LCLAT1: variants seen among roughly 807,000 people sequenced by gnomAD.
LCLAT1 encodes the protein 1-AGP acyltransferase 8.
In LCLAT1, 11 loss-of-function variants were observed where a neutral mutation model predicts 30.7. The observed-to-expected ratio is 0.36, with a 90% CI of 0.23 to 0.59. The LOEUF (loss-of-function observed/expected upper bound fraction) is 0.59. Ranked by LOEUF, LCLAT1 falls within the 20% of genes least tolerant of loss-of-function variation. The pLI, the probability that LCLAT1 is intolerant of heterozygous loss-of-function variation, is 0.77. For missense variants in LCLAT1, 402 were observed against 458.6 expected (o/e 0.88, Z 1.13); for synonymous variants, 155 against 151.3 (o/e 1.02, Z -0.18).
chr2:30,460,795 G>A (rs1682081918), intron 1 of LCLAT1, among the ~76,000 whole-genome samples: 3 of 152,188 alleles, frequency 2.0e-5, no homozygotes, highest in Admixed American at 2.0e-4. Flanking sequence ...GGAGGGGGCA[G>A]TGACTAGATA....
At chr2:30,597,691 G>A (rs1160663239) in intron 5 of LCLAT1, among the ~76,000 whole-genome samples, 2 of 152,164 alleles carry the variant, frequency 1.3e-5, no homozygotes, top group African/African-American at 2.4e-5. Flanking sequence ...CTGAATAGGA[G>A]TGGTGAGAGA....
intron 5 of LCLAT1, among the ~76,000 whole-genome samples, chr2:30,587,986 C>A (rs1362126816): frequency 6.6e-6 from 1 of 152,218 alleles, no homozygotes; most frequent in Non-Finnish European, 1.5e-5. Context: ...GCCTAGCTGC[C>A]AAACTTCAGC....
At chr2:30,482,733 C>T (rs956067645) in intron 1 of LCLAT1, among the ~76,000 whole-genome samples, 5 of 150,360 alleles carry the variant, frequency 3.3e-5, no homozygotes, top group African/African-American at 4.9e-5. Flanking sequence ...GCTAGTAGTT[C>T]GATTAAGAGC....
intron 3 of LCLAT1, among the ~76,000 whole-genome samples, chr2:30,555,839 C>CA (rs1664890792): frequency 7.9e-6 from 1 of 127,110 alleles, no homozygotes; most frequent in East Asian, 2.2e-4. Context: ...TTTTCTTTTT[C>CA]TTTTTTTTTT....
In LCLAT1 at chr2:30,575,456, T is replaced by C. The variant is rs148043436; in HGVS notation, c.628+7280T>C. On this transcript the variant is annotated intron_variant, in intron 5 of 5. Coordinates refer to ENST00000379509, the MANE Select transcript of LCLAT1 (RefSeq NM_001002257.3). The stretch of plus-strand genomic sequence containing the variant: ...GCATACACACATATGCACATCTGAT[T>C]AGCAATTCTTCCCACCCCCTTCAGT... 1.6e-3 allele frequency among the ~76,000 whole-genome samples: 247 copies of C among 152,290 alleles called. 4 individuals are homozygous for C. In the Middle Eastern group the frequency reaches 0.017, roughly 10 times the overall value.
intron 1 of LCLAT1, among the ~76,000 whole-genome samples, chr2:30,485,042 C>T (rs1237937329): frequency 6.6e-6 from 1 of 152,108 alleles, no homozygotes; most frequent in African/African-American, 2.4e-5. Context: ...CATTAACAGA[C>T]TGCTATATGG....
chr2:30,554,390 A>T (rs1664822727), intron 3 of LCLAT1, among the ~76,000 whole-genome samples: 1 of 152,228 alleles, frequency 6.6e-6, no homozygotes, highest in South Asian at 2.1e-4. Flanking sequence ...GGAGAATATA[A>T]ACTATGTGTA....
chr2:30,565,499 G>T (rs77741784), intron 4 of LCLAT1, among the ~76,000 whole-genome samples: 14,046 of 152,070 alleles, frequency 0.092, 1,270 homozygotes, highest in African/African-American at 0.23. Context: ...GAGTATCGTG[G>T]CCTATTAAAG....
intron 3 of LCLAT1, among the ~76,000 whole-genome samples, chr2:30,553,184 C>G (rs1173580827): frequency 6.6e-6 from 1 of 152,070 alleles, no homozygotes; most frequent in African/African-American, 2.4e-5. Context: ...AAAAGGCTTA[C>G]TTTTTATTAA....
chr2:30,498,197 G>A (rs1027333739), intron 1 of LCLAT1, among the ~76,000 whole-genome samples: 4 of 152,162 alleles, frequency 2.6e-5, no homozygotes, highest in Non-Finnish European at 4.4e-5. Context: ...GGCTGAGTCC[G>A]GGGATTTTAT....
intron 1 of LCLAT1, among the ~76,000 whole-genome samples, chr2:30,523,511 T>C (rs1160454008): frequency 2.0e-5 from 3 of 152,232 alleles, no homozygotes; most frequent in Admixed American, 6.5e-5. Flanking sequence ...CAGCTCTTAG[T>C]TGATATTTAT....
At chr2:30,548,356 G>A (rs906575045) in intron 3 of LCLAT1, among the ~76,000 whole-genome samples, 1 of 152,122 alleles carries the variant, frequency 6.6e-6, no homozygotes, top group African/African-American at 2.4e-5. Context: ...ATATTTTAGG[G>A]AGCCACGGGA....
At chr2:30,565,570 A>G (rs1009223190) in intron 4 of LCLAT1, among the ~76,000 whole-genome samples, 5 of 152,280 alleles carry the variant, frequency 3.3e-5, no homozygotes, top group Admixed American at 2.0e-4. Flanking sequence ...CATTTCCCTG[A>G]TTTGGAAAGA....
At chr2:30,492,961 T>A (rs184969400) in intron 1 of LCLAT1, among the ~76,000 whole-genome samples, 1 of 152,314 alleles carries the variant, frequency 6.6e-6, no homozygotes, top group African/African-American at 2.4e-5. Context: ...TTAAAAAAGC[T>A]CTGGCTTATT....
chr2:30,549,816 A>G (rs776906033), intron 3 of LCLAT1, among the ~76,000 whole-genome samples: 4 of 152,218 alleles, frequency 2.6e-5, no homozygotes, highest in Non-Finnish European at 5.9e-5. Flanking sequence ...TTTAAAAAAT[A>G]TGGCTTTTCT....
At chr2:30,602,901 G>A (rs948190184) in intron 5 of LCLAT1, among the ~76,000 whole-genome samples, 1 of 152,110 alleles carries the variant, frequency 6.6e-6, no homozygotes, top group African/African-American at 2.4e-5. Flanking sequence ...TAGAAATGGG[G>A]ATTGTACAAC....
chr2:30,519,345 A>G (rs1685355458), intron 1 of LCLAT1, among the ~76,000 whole-genome samples: 1 of 152,200 alleles, frequency 6.6e-6, no homozygotes, highest in Non-Finnish European at 1.5e-5. Flanking sequence ...CCGGCCTGCT[A>G]GCCCATGCTC....
intron 3 of LCLAT1, among the ~76,000 whole-genome samples, chr2:30,537,830 C>T (rs1350428301): frequency 6.6e-6 from 1 of 152,018 alleles, no homozygotes; most frequent in African/African-American, 2.4e-5. Context: ...GTGTGTTAGG[C>T]CACAAAACAA....
chr2:30,560,602 G>T (rs1665167100), intron 3 of LCLAT1, among the ~76,000 whole-genome samples: 1 of 152,076 alleles, frequency 6.6e-6, no homozygotes, highest in Non-Finnish European at 1.5e-5. Context: ...CTCCCAAATT[G>T]CTGGGATTAC....
Sources: gnomAD v4.1 joint callset for allele counts (sites outside exome capture counted in the v4.1 genomes callset) on GRCh38, gnomAD v4.1.1 for gene constraint, MANE v1.5 for transcripts, NCBI Gene and HGNC (gene_info 2026-07-23, HGNC 2026-07-21) for gene names.